AGBL4: variants seen among roughly 807,000 people sequenced by gnomAD.
The protein encoded by AGBL4 is AGBL carboxypeptidase 4.
AGBL4 carries 58 observed loss-of-function variants against 66.4 expected under a neutral mutation model. That is an observed-to-expected ratio of 0.87 (90% CI 0.71 to 1.09). AGBL4 has a LOEUF of 1.09. Among genes scored for constraint, AGBL4 ranks in the 50% least tolerant of loss-of-function variants. The pLI is 0.00. For synonymous variants in AGBL4, 234 were observed against 222.9 expected, an observed-to-expected ratio of 1.05 and a Z score of -0.44; for missense variants, 579 against 631.0, an observed-to-expected ratio of 0.92 and a Z score of 0.88.
rs193152512 is a variant in AGBL4, at chr1:49,331,241, T to A, written c.283-85377A>T. Among the ~76,000 whole-genome samples, 20 of 151,940 alleles carry A rather than the reference T, an allele frequency of 1.3e-4. No individual in the cohort carries two copies. The East Asian group carries it at 3.7e-3, about 28-fold the overall frequency. On this transcript the variant is annotated intron_variant, in intron 3 of 13. Coordinates refer to ENST00000371839, the MANE Select transcript of AGBL4 (RefSeq NM_032785.4). ...TCAGGCAAGGCGGGAGGTCTGCACA[T>A]ACCCTCTAGGAAGGGAGCTGAATCC... is the stretch of plus-strand genomic sequence containing the variant.
intron 3 of AGBL4, among the ~76,000 whole-genome samples, chr1:49,432,576 T>A (rs1645810812): frequency 6.6e-6 from 1 of 152,168 alleles, no homozygotes; most frequent in South Asian, 2.1e-4. Flanking sequence ...TAAAATAGAA[T>A]CATATTATTT....
intron 5 of AGBL4, among the ~76,000 whole-genome samples, chr1:48,923,721 A>G (rs1198254266): frequency 1.3e-5 from 2 of 152,152 alleles, no homozygotes; most frequent in East Asian, 1.9e-4. Context: ...CTTCAAGTCC[A>G]ATTTACTTTT....
At position 48,736,270 on chromosome 1, in the gene AGBL4, G is replaced by A. The variant is rs1649034910; in HGVS notation, c.635-73029C>T. On this transcript the variant is annotated intron_variant, in intron 6 of 13. Coordinates refer to ENST00000371839, the MANE Select transcript of AGBL4 (RefSeq NM_032785.4). This position sits in a 1 kb window ranked among gnomAD's most constrained non-coding sequence, Gnocchi z 4.0. The stretch of plus-strand genomic sequence containing the variant: ...CGATGCTTAGTTTGTGAGGCGAGAG[G>A]GGTGGTTTAGGGACTGCATCTTTCT... 1.2e-6 allele frequency: 2 copies of A among 1,614,188 alleles called. No individual in the cohort carries two copies. The highest frequency in any genetic ancestry group is 1.1e-5 in the South Asian group (1 of 91,082).
intron 3 of AGBL4, among the ~76,000 whole-genome samples, chr1:49,594,879 C>T (rs1393101515): frequency 1.3e-5 from 2 of 152,080 alleles, no homozygotes; most frequent in Non-Finnish European, 1.5e-5. Context: ...TGGGTATATA[C>T]CCACCCAGTA....
chr1:49,061,667 G>A (rs1571351048), intron 4 of AGBL4, among the ~76,000 whole-genome samples: 1 of 152,260 alleles, frequency 6.6e-6, no homozygotes, highest in East Asian at 1.9e-4. Context: ...TTGGAACTGA[G>A]ATTGACACAG....
At chr1:49,929,868 T>C (rs1468844746) in intron 1 of AGBL4, among the ~76,000 whole-genome samples, 1 of 152,154 alleles carries the variant, frequency 6.6e-6, no homozygotes, top group Non-Finnish European at 1.5e-5. Context: ...AATTGAATTA[T>C]AATACTCTCA....
intron 1 of AGBL4, chr1:49,995,058 T>C (rs1178691649): frequency 4.4e-6 from 2 of 449,608 alleles, no homozygotes; most frequent in Non-Finnish European, 8.9e-6. Flanking sequence ...GCCACTAGAA[T>C]TGGGGAAAGA....
chr1:49,649,110 C>G (rs1221418360), intron 3 of AGBL4, among the ~76,000 whole-genome samples: 1 of 151,938 alleles, frequency 6.6e-6, no homozygotes, highest in African/African-American at 2.4e-5. Context: ...GATATTAATC[C>G]AACTGTATCA....
At chr1:48,572,841 G>A (rs774587864) in intron 11 of AGBL4, among the ~76,000 whole-genome samples, 1 of 152,184 alleles carries the variant, frequency 6.6e-6, no homozygotes, top group East Asian at 1.9e-4. Context: ...GGCCAGGAGA[G>A]GGCACTTCAA....
chr1:48,548,346 G>A (rs1644197477), intron 11 of AGBL4, among the ~76,000 whole-genome samples: 1 of 152,028 alleles, frequency 6.6e-6, no homozygotes, highest in South Asian at 2.1e-4. Flanking sequence ...CCAAAGCGGA[G>A]TTAATCCTCC....
At chr1:48,965,434 A>C (rs1658338942) in intron 5 of AGBL4, among the ~76,000 whole-genome samples, 1 of 152,198 alleles carries the variant, frequency 6.6e-6, no homozygotes, top group South Asian at 2.1e-4. Flanking sequence ...TGCAATTAAA[A>C]TTAAAGTACA....
At position 49,566,295 on chromosome 1, in the gene AGBL4, C is replaced by G. The variant is rs532768480; in HGVS notation, c.282+131018G>C. ...TTGATCTTCTGAAGCCTTCTTCTCT[C>G]AATTCATCAAAGTTACACTCCGTCC... On this transcript the variant is annotated intron_variant, in intron 3 of 13. Transcript: ENST00000371839. Among the ~76,000 whole-genome samples, 262 of 152,316 alleles carry G rather than the reference C, an allele frequency of 1.7e-3. 1 individual carries two copies. Among genetic ancestry groups the G allele is most frequent in the African/African-American group, 5.9e-3 (244 of 41,566 alleles).
intron 3 of AGBL4, among the ~76,000 whole-genome samples, chr1:49,296,877 T>C (rs755623520): frequency 1.3e-5 from 2 of 152,200 alleles, no homozygotes; most frequent in African/African-American, 4.8e-5. Context: ...TAGAAAAATA[T>C]GTTGTTGCTT....
intron 4 of AGBL4, among the ~76,000 whole-genome samples, chr1:49,130,412 G>C (rs1406081101): frequency 6.6e-6 from 1 of 152,162 alleles, no homozygotes; most frequent in Non-Finnish European, 1.5e-5. Flanking sequence ...GAATGGTAAT[G>C]CCTAGGTTTT....
At chr1:49,673,890 G>A (rs1476735756) in intron 3 of AGBL4, among the ~76,000 whole-genome samples, 1 of 152,022 alleles carries the variant, frequency 6.6e-6, no homozygotes, top group Non-Finnish European at 1.5e-5. Flanking sequence ...CTAAATGAAA[G>A]AGGAAAGTGC....
rs192634896 is a variant in AGBL4 at position 48,777,593 on chromosome 1, A to G, written c.634+89598T>C. The stretch of plus-strand genomic sequence containing the variant: ...CAGAAAATTTCCCCTAGAGCTGCCA[A>G]ACCAGTTCTGACCAGAACTGGGGCT... On this transcript the variant is annotated intron_variant, in intron 6 of 13. Coordinates refer to ENST00000371839, the MANE Select transcript of AGBL4 (RefSeq NM_032785.4). Among the ~76,000 whole-genome samples the G allele has an allele frequency of 2.2e-4, 33 of 152,186 alleles. No homozygotes were observed. In the East Asian group the frequency reaches 6.0e-3, roughly 28 times the overall value.
chr1:49,920,150 A>T (rs1372874916), intron 1 of AGBL4, among the ~76,000 whole-genome samples: 5 of 152,370 alleles, frequency 3.3e-5, no homozygotes, highest in Non-Finnish European at 5.9e-5. Flanking sequence ...AAGAAGACCT[A>T]GGCAATACCA....
In AGBL4 at chr1:49,527,431, TACTC is replaced by T. The variant is rs1027063763; in HGVS notation, c.282+169878_282+169881del. 5.2e-5 allele frequency: 8 copies of T among 152,706 alleles called. No individual in the cohort carries two copies. In the South Asian group the frequency reaches 6.2e-4, roughly 12 times the overall value. The allele number at this position is 152,706 out of a possible 1,614,324, so 9.5% of individuals were successfully genotyped here. A position where few individuals can be genotyped will look rare whatever the true frequency, so the allele number is the denominator to read the frequency against. On this transcript the variant is annotated intron_variant, in intron 3 of 13. Transcript: ENST00000371839. ...TTAGTGCTTGGGAGCAGGCCCAACT[TACTC>T]ATTCATTTAATCAAAAACATTAAAT... is the stretch of plus-strand genomic sequence containing the variant.
intron 11 of AGBL4, among the ~76,000 whole-genome samples, chr1:48,546,968 G>A (rs1282971771): frequency 5.3e-5 from 8 of 151,840 alleles, no homozygotes; most frequent in African/African-American, 1.2e-4. Context: ...TAATGCAGGC[G>A]TGGGAAGGCC....
Sources: allele counts gnomAD v4.1 joint callset (sites outside exome capture counted in the v4.1 genomes callset), GRCh38; gene constraint gnomAD v4.1.1; non-coding constraint Gnocchi (gnomAD v3.1); transcripts MANE v1.5; gene names NCBI Gene and HGNC (gene_info 2026-07-23, HGNC 2026-07-21).